The following CIB1 variants were observed in gnomAD, a reference collection of about 807,000 sequenced individuals.
CIB1 encodes calcium and integrin-binding protein 1.
Under a neutral mutation model 25.0 loss-of-function variants are expected in CIB1, and 19 were observed. That is an observed-to-expected ratio of 0.76 (90% CI 0.53 to 1.12). CIB1 has a LOEUF of 1.12. CIB1 is among the 50% of genes most tolerant of loss of function. CIB1 has a pLI of 0.00. For missense variants in CIB1, 236 were observed against 242.6 expected, an observed-to-expected ratio of 0.97 and a Z score of 0.18; for synonymous variants, 104 against 98.5, an observed-to-expected ratio of 1.06 and a Z score of -0.33.
the CIB1 span, among the ~76,000 whole-genome samples, chr15:90,248,597 C>T: frequency 6.6e-6 from 1 of 151,324 alleles, no homozygotes; most frequent in Admixed American, 6.6e-5. Flanking sequence ...CACCTGTAGC[C>T]CCAGCTACTT....
the CIB1 span, chr15:90,265,350 A>G: frequency 8.2e-7 from 1 of 1,224,406 alleles, no homozygotes; most frequent in Non-Finnish European, 1.0e-6. Flanking sequence ...TGTCGCCGTC[A>G]GAAGACTGCC....
At chr15:90,240,479 G>C in the CIB1 span, among the ~76,000 whole-genome samples, 1 of 151,482 alleles carries the variant, frequency 6.6e-6, no homozygotes, top group African/African-American at 2.4e-5. Flanking sequence ...CTGCCCTCTA[G>C]CCTGGGCAAC....
the CIB1 span, among the ~76,000 whole-genome samples, chr15:90,252,197 A>C: frequency 6.6e-6 from 1 of 152,010 alleles, no homozygotes; most frequent in African/African-American, 2.4e-5. Context: ...GTGCCACCAC[A>C]TCTGGCTAAT....
chr15:90,260,440 C>T, the CIB1 span, among the ~76,000 whole-genome samples: 1 of 151,908 alleles, frequency 6.6e-6, no homozygotes, highest in Non-Finnish European at 1.5e-5. Flanking sequence ...GAGGTTATAG[C>T]GAACTGAGAC....
chr15:90,236,405 C>G (rs1233461099), upstream of CIB1, among the ~76,000 whole-genome samples: 1 of 152,236 alleles, frequency 6.6e-6, no homozygotes, highest in Non-Finnish European at 1.5e-5. Context: ...TGATCTAGAT[C>G]TCTCAGTCAC....
the CIB1 span, chr15:90,243,472 G>C: frequency 3.3e-5 from 5 of 150,430 alleles, no homozygotes; most frequent in African/African-American, 1.2e-4. Flanking sequence ...TCAGCCCCCT[G>C]AGTAGCTGGG....
chr15:90,231,276 G>A (rs1011177752), intron 4 of CIB1, 63 bp from the exon 5 acceptor site: 16 of 1,607,492 alleles, frequency 1.0e-5, no homozygotes, highest in South Asian at 9.9e-5. Flanking sequence ...TTCCCCAAAC[G>A]GCGCCCATTT....
At chr15:90,259,115 C>A in the CIB1 span, 24 of 1,349,564 alleles carry the variant, frequency 1.8e-5, no homozygotes, top group South Asian at 3.0e-4. Flanking sequence ...GTAATCCCAG[C>A]ACTTTGGGAG....
At chr15:90,263,021 A>G in the CIB1 span, 3 of 1,536,040 alleles carry the variant, frequency 2.0e-6, no homozygotes, top group Non-Finnish European at 2.6e-6. Context: ...GAAGAGGAGG[A>G]GCTGGAGCGG....
chr15:90,252,362 G>A, the CIB1 span, among the ~76,000 whole-genome samples: 6 of 151,420 alleles, frequency 4.0e-5, no homozygotes, highest in Non-Finnish European at 8.8e-5. Flanking sequence ...TAAATGTTTT[G>A]TAGAGACAGA....
chr15:90,233,629 G>A (rs1962559840), intron 2 of CIB1, 40 bp downstream of exon 2: 3 of 1,559,920 alleles, frequency 1.9e-6, no homozygotes, highest in East Asian at 4.8e-5. Flanking sequence ...TGTCTCTAGA[G>A]GATCCCGGGG....
the CIB1 span, among the ~76,000 whole-genome samples, chr15:90,264,358 CT>C: frequency 6.6e-6 from 1 of 152,152 alleles, no homozygotes; most frequent in East Asian, 1.9e-4. Context: ...GCTCGGCTAA[CT>C]TTTGTATATT....
At chr15:90,233,304 G>A (rs1392234775) in intron 2 of CIB1, among the ~76,000 whole-genome samples, 1 of 152,260 alleles carries the variant, frequency 6.6e-6, no homozygotes, top group Admixed American at 6.5e-5. Flanking sequence ...GTATTATTCA[G>A]GTAAAGTTGG....
At chr15:90,250,547 CT>C in the CIB1 span, 2 of 1,509,834 alleles carry the variant, frequency 1.3e-6, no homozygotes, top group East Asian at 4.5e-5. Flanking sequence ...TGGTGGATTC[CT>C]TCAGGCCTTC....
At chr15:90,234,980 C>T (rs957503242), upstream of CIB1, among the ~76,000 whole-genome samples, 1 of 152,222 alleles carries the variant, frequency 6.6e-6, no homozygotes, top group African/African-American at 2.4e-5. Context: ...ATCCATTATA[C>T]TTGCTGATCT....
intron 4 of CIB1, 64 bp downstream of exon 4, chr15:90,231,293 C>A: frequency 1.2e-6 from 2 of 1,608,204 alleles, no homozygotes; most frequent in South Asian, 2.2e-5. Flanking sequence ...ATTTCCCAAG[C>A]AGGGCCACCA....
In CIB1 at chr15:90,233,929, A is replaced by C. The variant is rs1038128951; in HGVS notation, c.-44T>G. 6.9e-7 allele frequency: 1 copy of C among 1,446,144 alleles called. No homozygotes were observed. Among genetic ancestry groups the C allele is most frequent in the Non-Finnish European group, 9.1e-7 (1 of 1,104,920 alleles). The allele number at this position is 1,446,144 out of a possible 1,614,324, so 89.6% of individuals were successfully genotyped here. On this transcript the variant is annotated 5_prime_UTR_variant, in exon 1 of 7. Coordinates refer to ENST00000328649, the MANE Select transcript of CIB1 (RefSeq NM_006384.4). ...GCTCCGCCAACTCGCCTCGAGACGC[A>C]GACAACTTTCTCACTTCCGCCCTTG...
At chr15:90,232,372 C>T (rs751790613) in intron 2 of CIB1, 45 bp from the exon 3 acceptor site, 3 of 1,558,564 alleles carry the variant, frequency 1.9e-6, no homozygotes, top group East Asian at 4.6e-5. Flanking sequence ...CGATCGGTCT[C>T]CCTGTGTGTT....
the CIB1 span, chr15:90,263,230 C>T: frequency 8.0e-7 from 1 of 1,243,526 alleles, no homozygotes; most frequent in South Asian, 1.6e-5. Flanking sequence ...ACAAAGGAGG[C>T]TTGTGTGATG....
Sources: allele counts gnomAD v4.1 joint callset (sites outside exome capture counted in the v4.1 genomes callset), GRCh38; gene constraint gnomAD v4.1.1; transcripts MANE v1.5; gene names NCBI Gene and HGNC (gene_info 2026-07-23, HGNC 2026-07-21).